The following PRDM2 variants were observed in gnomAD, a reference collection of about 807,000 sequenced individuals.
PRDM2 encodes PR domain zinc finger protein 2.
Under a neutral mutation model 130.0 loss-of-function variants are expected in PRDM2, and 30 were observed. That is an observed-to-expected ratio of 0.23 (90% CI 0.17 to 0.31). The LOEUF (loss-of-function observed/expected upper bound fraction) is 0.31. PRDM2 is among the 10% of genes least tolerant of loss of function. The pLI is 1.00. For missense variants in PRDM2, 2,011 were observed against 2,108.4 expected (o/e 0.95, Z 0.90); for synonymous variants, 871 against 782.4 (o/e 1.11, Z -1.89).
intron 8 of PRDM2, chr1:13,786,928 G>A: frequency 1.0e-6 from 1 of 1,002,454 alleles, no homozygotes; most frequent in Non-Finnish European, 1.2e-6. Context: ...TAGGTTTCAG[G>A]GATGACAGAT....
Position 13,778,489 on chromosome 1 carries a change from A to T in PRDM2, c.694A>T (p.Ser232Cys). The T allele has an allele frequency of 1.2e-6, 2 of 1,614,178 alleles. No homozygotes were observed. Among genetic ancestry groups the T allele is most frequent in the Non-Finnish European group, 1.7e-6 (2 of 1,180,004 alleles). ...EQPATLQEVA[S>C]QEVPPELATP... ...GCCGGCCACCCTCCAGGAGGTGGCC[A>T]GTCAGGAGGTGCCTCCAGAACTAGC... Residue 232 changes from serine (S) to cysteine (C), a missense_variant, in exon 8 of 10, where the codon AGT (serine) becomes TGT (cysteine). Ser to Cys is a moderately radical substitution (Grantham distance 112). Transcript: ENST00000311066.
rs761095046 is a variant in PRDM2, at chr1:13,732,839, A to G, written c.188A>G (p.Lys63Arg). Reference protein sequence around the residue: ...GKKFGPFVGDKKKRSQVKNNV... With the variant: ...GKKFGPFVGDRKKRSQVKNNV... ...AAATTTGGGCCATTTGTTGGTGATAAGAAAAAAAGATCTCAGGTTAAGAAT... is the reference window on the plus strand; with the variant it reads ...AAATTTGGGCCATTTGTTGGTGATAGGAAAAAAAGATCTCAGGTTAAGAAT... Residue 63 changes from lysine (K) to arginine (R), a missense_variant, in exon 4 of 10, where the codon AAG becomes AGG. Physicochemically the swap from Lys to Arg is conservative, Grantham distance 26. Transcript: ENST00000311066. 1.2e-6 allele frequency: 2 copies of G among 1,608,862 alleles called. No homozygotes were observed. The highest frequency in any genetic ancestry group is 1.7e-6 in the Non-Finnish European group (2 of 1,177,818).
intron 9 of PRDM2, among the ~76,000 whole-genome samples, chr1:13,818,414 C>T (rs1645292354): frequency 2.1e-5 from 3 of 141,582 alleles, no homozygotes; most frequent in Admixed American, 7.3e-5. Flanking sequence ...GAGTCTCGCT[C>T]TGTCGCCAGG....
At chr1:13,822,590 T>C (rs1645370563) in intron 9 of PRDM2, among the ~76,000 whole-genome samples, 1 of 151,890 alleles carries the variant, frequency 6.6e-6, no homozygotes, top group South Asian at 2.1e-4. Context: ...AGAGACAGGG[T>C]TTCACCGTAG....
intron 8 of PRDM2, among the ~76,000 whole-genome samples, chr1:13,802,792 G>A (rs906139862): frequency 2.0e-5 from 3 of 152,142 alleles, no homozygotes; most frequent in Non-Finnish European, 2.9e-5. Context: ...CTTTGTGTTC[G>A]TGTTTTCTTT....
chr1:13,798,901 T>C (rs566187949), intron 8 of PRDM2, among the ~76,000 whole-genome samples: 1 of 152,366 alleles, frequency 6.6e-6, no homozygotes, highest in South Asian at 2.1e-4. Context: ...ATGGGTTTCA[T>C]GGTGCCATGT....
chr1:13,720,319 T>C (rs1303244322), intron 2 of PRDM2, among the ~76,000 whole-genome samples: 1 of 152,208 alleles, frequency 6.6e-6, no homozygotes, highest in Non-Finnish European at 1.5e-5. Context: ...CCTTGCTGAT[T>C]ACAGTCAATG....
At chr1:13,716,560 A>G (rs1642547983) in intron 2 of PRDM2, among the ~76,000 whole-genome samples, 1 of 149,898 alleles carries the variant, frequency 6.7e-6, no homozygotes. Context: ...TCAGAATAAA[A>G]ACAAGAGGGC....
At chr1:13,708,463 C>T (rs1402921254) in intron 1 of PRDM2, among the ~76,000 whole-genome samples, 1 of 152,064 alleles carries the variant, frequency 6.6e-6, no homozygotes, top group Non-Finnish European at 1.5e-5. Flanking sequence ...AACAGCAGAC[C>T]CTTGGTTTTT....
chr1:13,816,418 C>T lies in PRDM2; in HGVS notation c.5037-9C>T, dbSNP rs375320895. The T allele has an allele frequency of 3.3e-5, 53 of 1,613,972 alleles. No individual in the cohort carries two copies. In the African/African-American group the frequency reaches 5.3e-4, roughly 16 times the overall value. On this transcript the variant is annotated splice_polypyrimidine_tract_variant and intron_variant, in intron 8 of 9. Transcript: ENST00000311066. The stretch of plus-strand genomic sequence containing the variant: ...TGTGACAATGTGTGTTGTTCCTCTT[C>T]CTGCACAGCTACAGCCTCCGCTTGG...
rs113410146 is a variant in PRDM2, at chr1:13,775,524, A to AG, written c.622+2341dup. 6.0e-3 allele frequency among the ~76,000 whole-genome samples: 919 copies of AG among 152,292 alleles called. 7 individuals are homozygous for AG. Among genetic ancestry groups the AG allele is most frequent in the African/African-American group, 0.021 (868 of 41,572 alleles). ...CTCATGGAATTTATGAAATTAGTCT[A>AG]GGGGGAGAGAAGGCTGTTTCTGTTT... On this transcript the variant is annotated intron_variant, in intron 7 of 9. Coordinates refer to ENST00000311066, the MANE Select transcript of PRDM2 (RefSeq NM_001393986.1).
At chr1:13,707,633 C>A (rs1044291955) in intron 1 of PRDM2, among the ~76,000 whole-genome samples, 1 of 152,134 alleles carries the variant, frequency 6.6e-6, no homozygotes, top group Non-Finnish European at 1.5e-5. Flanking sequence ...GGCCTTGAAT[C>A]TGAAGCATAG....
At chr1:13,722,771 C>T in intron 2 of PRDM2, 12 of 496,724 alleles carry the variant, frequency 2.4e-5, no homozygotes, top group South Asian at 1.5e-4. Flanking sequence ...TTCTTTGCTT[C>T]TCTTGAACGT....
chr1:13,742,711 G>A (rs779336057), intron 5 of PRDM2, among the ~76,000 whole-genome samples: 3 of 152,250 alleles, frequency 2.0e-5, no homozygotes, highest in Non-Finnish European at 2.9e-5. Context: ...AGTTAAGCAT[G>A]TGGCAGCTGC....
chr1:13,730,188 C>T (rs1323245713), intron 2 of PRDM2, among the ~76,000 whole-genome samples: 1 of 152,202 alleles, frequency 6.6e-6, no homozygotes, highest in African/African-American at 2.4e-5. Context: ...GTACTGGTTA[C>T]TAGACCCTTG....
At chr1:13,816,649 G>A in intron 9 of PRDM2, 79 bp downstream of exon 9, 1 of 1,522,714 alleles carries the variant, frequency 6.6e-7, no homozygotes, top group East Asian at 2.3e-5. Context: ...GGGTGGGGAG[G>A]GAAGGAGAGA....
chr1:13,793,314 G>C (rs1644870964), intron 8 of PRDM2, among the ~76,000 whole-genome samples: 1 of 152,246 alleles, frequency 6.6e-6, no homozygotes, highest in Non-Finnish European at 1.5e-5. Context: ...GGCTGTGGTG[G>C]CGCTGGTGAT....
chr1:13,767,379 C>A (rs1450664713), intron 6 of PRDM2, among the ~76,000 whole-genome samples: 1 of 151,766 alleles, frequency 6.6e-6, no homozygotes, highest in East Asian at 1.9e-4. Context: ...GCAGCCATGA[C>A]CTTCTGAGGT....
intron 2 of PRDM2, among the ~76,000 whole-genome samples, chr1:13,720,175 G>C (rs1030802767): frequency 3.9e-5 from 6 of 152,104 alleles, no homozygotes; most frequent in African/African-American, 1.2e-4. Context: ...ATTTAAATGA[G>C]ACGCTAATAA....
Sources: gnomAD v4.1 joint callset for allele counts (sites outside exome capture counted in the v4.1 genomes callset) on GRCh38, gnomAD v4.1.1 for gene constraint, MANE v1.5 for transcripts, NCBI Gene and HGNC (gene_info 2026-07-23, HGNC 2026-07-21) for gene names.